The following STARD13 variants were observed in gnomAD, a reference collection of about 807,000 sequenced individuals.
STARD13 encodes stAR-related lipid transfer protein 13.
In STARD13, 62 loss-of-function variants were observed where a neutral mutation model predicts 106.4. The observed-to-expected ratio is 0.58, with a 90% CI of 0.48 to 0.72. The LOEUF is 0.72. Among genes scored for constraint, STARD13 ranks in the 30% least tolerant of loss-of-function variants. The probability of loss-of-function intolerance (pLI) is 0.00; values close to 1 mark genes in which losing one functional copy is unlikely to be tolerated. For missense variants in STARD13, 1,387 were observed against 1,424.0 expected (o/e 0.97, Z 0.42); for synonymous variants, 565 against 553.0 (o/e 1.02, Z -0.31).
chr13:33,597,136 A>G, the STARD13 span, among the ~76,000 whole-genome samples: 1 of 152,144 alleles, frequency 6.6e-6, no homozygotes, highest in African/African-American at 2.4e-5. Context: ...TGGCTGTACT[A>G]TTATAATTTA....
the STARD13 span, among the ~76,000 whole-genome samples, chr13:33,419,124 T>C: frequency 3.3e-5 from 5 of 152,044 alleles, no homozygotes; most frequent in Non-Finnish European, 7.4e-5. Context: ...CTTTGACGAG[T>C]GGACAGAAGT....
At chr13:33,141,612 G>A (rs1879841547) in intron 4 of STARD13, among the ~76,000 whole-genome samples, 1 of 152,130 alleles carries the variant, frequency 6.6e-6, no homozygotes, top group South Asian at 2.1e-4. Flanking sequence ...CAGAGTTCAG[G>A]ATCTTGTCAC....
At chr13:33,380,111 C>T in the STARD13 span, among the ~76,000 whole-genome samples, 9 of 152,210 alleles carry the variant, frequency 5.9e-5, no homozygotes, top group East Asian at 5.8e-4. Flanking sequence ...GGAGGCCAGG[C>T]GCGGTGGCTC....
At chr13:33,664,013 C>T in the STARD13 span, among the ~76,000 whole-genome samples, 5 of 152,174 alleles carry the variant, frequency 3.3e-5, no homozygotes, top group Non-Finnish European at 7.3e-5. Context: ...GCTTCCTCTG[C>T]AGGCAGGGAG....
At chr13:33,654,599 A>G in the STARD13 span, 1 of 152,228 alleles carries the variant, frequency 6.6e-6, no homozygotes, top group Non-Finnish European at 1.5e-5. Flanking sequence ...GTACACTTTA[A>G]AAGAGTGAAT....
the STARD13 span, among the ~76,000 whole-genome samples, chr13:33,576,815 A>G: frequency 2.0e-5 from 3 of 152,224 alleles, no homozygotes; most frequent in African/African-American, 7.2e-5. Context: ...AGGTATGTTC[A>G]TAGTAACAAA....
the STARD13 span, among the ~76,000 whole-genome samples, chr13:33,396,169 AT>A: frequency 6.6e-6 from 1 of 151,476 alleles, no homozygotes; most frequent in African/African-American, 2.4e-5. Context: ...TAGTTTTAAA[AT>A]TTTTTTGTAG....
chr13:33,105,714 T>C lies in STARD13; in HGVS notation c.3225-4A>G, dbSNP rs145693885. ...GTACCATTCTGGGGAGTGACCTCTG[T>C]GGGGAAAGAAATCAGAAAGGAAGTG... On this transcript the variant is annotated splice_polypyrimidine_tract_variant and splice_region_variant and intron_variant, in intron 13 of 13. Transcript: ENST00000336934. 4.1e-4 allele frequency: 660 copies of C among 1,608,404 alleles called. No homozygotes were observed. Among genetic ancestry groups the C allele is most frequent in the Non-Finnish European group, 5.4e-4 (633 of 1,174,854 alleles).
In STARD13 at chr13:33,165,357, G is replaced by T; in HGVS notation, c.303C>A (p.Asp101Glu). 2 of 1,613,446 alleles carry T rather than the reference G, an allele frequency of 1.2e-6. No individual in the cohort carries two copies. Among genetic ancestry groups the T allele is most frequent in the Non-Finnish European group, 1.7e-6 (2 of 1,179,432 alleles). ...TTTACCTGCAAAGAGGTTCTACAAG[G>T]TCCTTTTCAAGAAAATCATGATCAT... ...VKNDHDFLEKDLVEPLCRRLN... is the reference protein window; with the variant it reads ...VKNDHDFLEKELVEPLCRRLN... Residue 101 changes from aspartate to glutamate, a missense_variant, in exon 3 of 14, where the codon GAC becomes GAA. Asp to Glu is a conservative substitution (Grantham distance 45). Transcript: ENST00000336934.
intron 1 of STARD13, among the ~76,000 whole-genome samples, chr13:33,195,272 C>T (rs1421380479): frequency 6.6e-6 from 1 of 152,216 alleles, no homozygotes; most frequent in Non-Finnish European, 1.5e-5. Context: ...GGAAGGAACA[C>T]TATTTCAGTA....
At chr13:33,177,212 T>G (rs959248634) in intron 1 of STARD13, among the ~76,000 whole-genome samples, 1 of 152,184 alleles carries the variant, frequency 6.6e-6, no homozygotes. Flanking sequence ...CTCACTGAAT[T>G]CAGGTATAAA....
At chr13:33,363,059 T>C in the STARD13 span, among the ~76,000 whole-genome samples, 1 of 152,242 alleles carries the variant, frequency 6.6e-6, no homozygotes, top group Non-Finnish European at 1.5e-5. Context: ...ACTTCACCCA[T>C]CTACTCCCAG....
the STARD13 span, among the ~76,000 whole-genome samples, chr13:33,414,578 AT>A: frequency 6.7e-6 from 1 of 149,394 alleles, no homozygotes; most frequent in Non-Finnish European, 1.5e-5. Context: ...TTTATATATC[AT>A]TTTTGAAAAG....
the STARD13 span, among the ~76,000 whole-genome samples, chr13:33,438,611 C>T: frequency 1.3e-5 from 2 of 152,300 alleles, no homozygotes; most frequent in Non-Finnish European, 1.5e-5. Flanking sequence ...AGGTTCGGCA[C>T]ACTCACTAAA....
intron 1 of STARD13, among the ~76,000 whole-genome samples, chr13:33,179,564 G>T (rs1000981153): frequency 1.3e-5 from 2 of 152,212 alleles, no homozygotes; most frequent in Non-Finnish European, 2.9e-5. Flanking sequence ...GAAGGCATTT[G>T]TCTTTACTTA....
In STARD13 at chr13:33,130,016, C is replaced by T; in HGVS notation, c.661G>A (p.Val221Ile). Residue 221 changes from valine (V) to isoleucine (I), a missense_variant, in exon 5 of 14, where the codon GTC (valine) becomes ATC (isoleucine). By Grantham distance (29) the Val-to-Ile change is conservative (BLOSUM62 3). Transcript: ENST00000336934. The surrounding 1 kb of genome is among the most constrained non-coding windows in gnomAD (Gnocchi z 4.1). Reference protein sequence around the residue: ...QPGQCCTDNPVMLDAPLVSSS... With the variant: ...QPGQCCTDNPIMLDAPLVSSS... ...CTGACGAGTGGGGCATCCAGCATGA[C>T]CGGGTTGTCTGTACAGCACTGGCCC... 6.2e-7 allele frequency: 1 copy of T among 1,613,194 alleles called. No individual in the cohort carries two copies. Among genetic ancestry groups the T allele is most frequent in the Non-Finnish European group, 8.5e-7 (1 of 1,179,726 alleles).
At position 33,110,802 on chromosome 13, in the gene STARD13, T is replaced by C. The variant is rs572630918; in HGVS notation, c.2713A>G (p.Thr905Ala). 1,277 of 1,614,166 alleles carry C rather than the reference T, an allele frequency of 7.9e-4. 27 individuals carry two copies. In the South Asian group the frequency reaches 0.014, roughly 17 times the overall value. ...LGTQLEESGA[T>A]FHTYLNHLIQ... ...AGATGGTTCAGGTAAGTGTGGAAAG[T>C]TGCCCCACTCTCCTCCAGCTGTGTC... The change falls in exon 11 of 14, where the codon ACT becomes GCT. Residue 905 changes from threonine to alanine, a missense_variant. By Grantham distance (58) the Thr-to-Ala change is moderately conservative (BLOSUM62 0). Transcript: ENST00000336934.
At chr13:33,510,687 C>T in the STARD13 span, among the ~76,000 whole-genome samples, 3 of 152,168 alleles carry the variant, frequency 2.0e-5, no homozygotes, top group Admixed American at 6.6e-5. Context: ...GCCAGTACAA[C>T]ATAAACTAGG....
rs192658441 is a variant in STARD13 at position 33,179,129 on chromosome 13, A to G, written c.170-11507T>C. 2.1e-4 allele frequency among the ~76,000 whole-genome samples: 32 copies of G among 152,350 alleles called. No homozygotes were observed. In the East Asian group the frequency reaches 6.0e-3, roughly 28 times the overall value. ...TCAAGTTTCTACTCTTATTGAATAC[A>G]TATACTTAGTTTTACAGATTAACTT... On this transcript the variant is annotated intron_variant, in intron 1 of 13. Transcript: ENST00000336934.
Sources: allele counts gnomAD v4.1 joint callset (sites outside exome capture counted in the v4.1 genomes callset), GRCh38; gene constraint gnomAD v4.1.1; non-coding constraint Gnocchi (gnomAD v3.1); transcripts MANE v1.5; gene names NCBI Gene and HGNC (gene_info 2026-07-23, HGNC 2026-07-21).